The following FAM200B variants were observed in gnomAD, a reference collection of about 807,000 sequenced individuals.
FAM200B encodes protein FAM200B.
FAM200B carries 32 observed loss-of-function variants against 33.1 expected under a neutral mutation model. The ratio of observed to expected loss-of-function variants is 0.97; its 90% confidence interval spans 0.73 to 1.30. The LOEUF (loss-of-function observed/expected upper bound fraction) is 1.30, where lower values mean the gene tolerates loss of function less well. FAM200B is among the 50% of genes most tolerant of loss of function. The pLI is 0.00. For synonymous variants in FAM200B, 240 were observed against 264.8 expected (o/e 0.91, Z 0.91); for missense variants, 741 against 754.0 (o/e 0.98, Z 0.20).
At chr4:15,684,872 T>C (rs1718681934) in intron 1 of FAM200B, 2 of 152,320 alleles carry the variant, frequency 1.3e-5, no homozygotes, top group African/African-American at 4.8e-5. Flanking sequence ...ATTTGTAACA[T>C]GTCATCTTTC....
chr4:15,681,283 G>A (rs932841570), upstream of FAM200B: 1 of 153,622 alleles, frequency 6.5e-6, no homozygotes, highest in Non-Finnish European at 1.5e-5. Context: ...AAATCACCTT[G>A]GAGTGTATGA....
In FAM200B at chr4:15,687,783, G is replaced by A; in HGVS notation, c.806G>A (p.Gly269Glu). ...CFLNLTSHLS[G>E]LDIFTELERR... ...TTAAATTTAACCTCACACCTAAGTG[G>A]ATTAGATATTTTTACAGAATTAGAA... The change falls in exon 2 of 2, where the codon GGA becomes GAA. Residue 269 changes from glycine (G) to glutamate (E), a missense_variant. Gly to Glu is a moderately conservative substitution (Grantham distance 98). Coordinates refer to ENST00000422728, the MANE Select transcript of FAM200B (RefSeq NM_001145191.2). 1 of 1,550,552 alleles carries A rather than the reference G, an allele frequency of 6.4e-7. No individual in the cohort carries two copies. The highest frequency in any genetic ancestry group is 8.7e-7 in the Non-Finnish European group (1 of 1,146,486).
chr4:15,638,811 T>C, the FAM200B span: 2 of 626,160 alleles, frequency 3.2e-6, no homozygotes, highest in Non-Finnish European at 5.1e-6. Flanking sequence ...CTCAAAAAGA[T>C]AAAAATTTTA....
the FAM200B span, among the ~76,000 whole-genome samples, chr4:15,655,615 T>C: frequency 5.3e-5 from 8 of 152,120 alleles, no homozygotes; most frequent in African/African-American, 9.7e-5. Context: ...TAGCTGAGGG[T>C]AGGGGAAAGT....
chr4:15,662,504 A>T, the FAM200B span, among the ~76,000 whole-genome samples: 1 of 152,200 alleles, frequency 6.6e-6, no homozygotes, highest in Non-Finnish European at 1.5e-5. Context: ...TAATATTGCT[A>T]TATACATTAA....
chr4:15,671,217 C>T, the FAM200B span, among the ~76,000 whole-genome samples: 1 of 151,970 alleles, frequency 6.6e-6, no homozygotes. Flanking sequence ...AGTCACTGCA[C>T]CTGGCCTGGG....
the FAM200B span, among the ~76,000 whole-genome samples, chr4:15,671,475 A>G: frequency 0.62 from 94,133 of 151,238 alleles, 29,460 homozygotes; most frequent in Non-Finnish European, 0.66. Flanking sequence ...GTCTCTCCAC[A>G]TTGCCCAGGC....
the FAM200B span, among the ~76,000 whole-genome samples, chr4:15,637,548 T>C: frequency 0.35 from 53,284 of 152,032 alleles, 9,733 homozygotes; most frequent in Non-Finnish European, 0.37. Context: ...ATATTTTAAA[T>C]ATAATACAGC....
chr4:15,689,138 T>A lies in FAM200B; in HGVS notation c.*187T>A, dbSNP rs1719181162. 1 of 441,962 alleles carries A rather than the reference T, an allele frequency of 2.3e-6. No individual in the cohort carries two copies. The highest frequency in any genetic ancestry group is 4.2e-5 in the Admixed American group (1 of 23,858). The allele number at this position is 441,962 out of a possible 1,614,324, so 27.4% of individuals were successfully genotyped here. ...TGAATTTCTGTTAGAGGCCAGGAACTATTCTAGAGACATTTGGGATACAAA... is the reference window on the plus strand; with the variant it reads ...TGAATTTCTGTTAGAGGCCAGGAACAATTCTAGAGACATTTGGGATACAAA... On this transcript the variant is annotated 3_prime_UTR_variant, in exon 2 of 2. Transcript: ENST00000422728.
the FAM200B span, chr4:15,644,803 A>T: frequency 1.3e-6 from 1 of 779,606 alleles, no homozygotes; most frequent in Non-Finnish European, 2.0e-6. Context: ...TTTTGCACAC[A>T]GCATACTTCC....
the FAM200B span, among the ~76,000 whole-genome samples, chr4:15,652,673 C>T: frequency 6.6e-6 from 1 of 152,208 alleles, no homozygotes; most frequent in South Asian, 2.1e-4. Flanking sequence ...TACTAACTGG[C>T]TTAAGCATAT....
At chr4:15,656,275 A>G in the FAM200B span, 1 of 456,250 alleles carries the variant, frequency 2.2e-6, no homozygotes, top group Non-Finnish European at 4.4e-6. Flanking sequence ...GGCCCTGGCC[A>G]CAGACCTCCT....
At position 15,687,927 on chromosome 4, in the gene FAM200B, CTAA is replaced by C. The variant is rs1719038883; in HGVS notation, c.955_957del (p.Asn319del). ...GTAATTAAAAAATTACTAGAAGTTA[CTAA>C]TAATGGTGCTGTGTGGAATCATTGT... On this transcript the variant is annotated inframe_deletion, in exon 2 of 2. Transcript: ENST00000422728. 6.4e-7 allele frequency: 1 copy of C among 1,550,716 alleles called. No individual in the cohort carries two copies. The highest frequency in any genetic ancestry group is 1.4e-5 in the African/African-American group (1 of 72,978).
the FAM200B span, among the ~76,000 whole-genome samples, chr4:15,649,067 A>C: frequency 6.6e-6 from 1 of 152,192 alleles, no homozygotes; most frequent in East Asian, 1.9e-4. Flanking sequence ...CTTGGTGGAG[A>C]ATACAAAATA....
chr4:15,685,286 A>G (rs1330614310), intron 1 of FAM200B, among the ~76,000 whole-genome samples: 2 of 152,198 alleles, frequency 1.3e-5, no homozygotes, highest in Admixed American at 1.3e-4. Context: ...ACACCATGCA[A>G]GGGTGCCATA....
the FAM200B span, chr4:15,655,368 C>T: frequency 2.7e-6 from 3 of 1,113,540 alleles, no homozygotes; most frequent in South Asian, 9.1e-5. Flanking sequence ...AGAGGCGGCG[C>T]GCCCCCTTGC....
upstream of FAM200B, among the ~76,000 whole-genome samples, chr4:15,680,650 TG>T (rs1718199869): frequency 6.6e-6 from 1 of 151,918 alleles, no homozygotes; most frequent in Non-Finnish European, 1.5e-5. Flanking sequence ...CACTCCAGCC[TG>T]GGCGAGAGAG....
At chr4:15,653,912 T>C in the FAM200B span, among the ~76,000 whole-genome samples, 1 of 152,354 alleles carries the variant, frequency 6.6e-6, no homozygotes, top group East Asian at 1.9e-4. Flanking sequence ...GGACTTCTAA[T>C]AGTTTTTAGT....
upstream of FAM200B, among the ~76,000 whole-genome samples, chr4:15,679,582 A>C (rs1281191231): frequency 2.0e-5 from 3 of 151,740 alleles, no homozygotes; most frequent in Admixed American, 2.0e-4. Flanking sequence ...AAAAAACAAA[A>C]AAACAAAAAA....
Sources: allele counts gnomAD v4.1 joint callset (sites outside exome capture counted in the v4.1 genomes callset), GRCh38; gene constraint gnomAD v4.1.1; transcripts MANE v1.5; gene names NCBI Gene and HGNC (gene_info 2026-07-23, HGNC 2026-07-21).